Variants in KCNMB2 observed in about 807,000 individuals in gnomAD.
The protein encoded by KCNMB2 is calcium-activated potassium channel subunit beta-2.
A neutral mutation model predicts 24.5 loss-of-function variants in KCNMB2; 9 were observed. The observed-to-expected ratio is 0.37, with a 90% CI of 0.22 to 0.64. KCNMB2 has a LOEUF of 0.64. Among genes scored for constraint, KCNMB2 ranks in the 30% least tolerant of loss-of-function variants. KCNMB2 has a pLI of 0.63. For synonymous variants in KCNMB2, 109 were observed against 104.4 expected (o/e 1.04, Z -0.27); for missense variants, 226 against 284.3 (o/e 0.79, Z 1.47).
intron 1 of KCNMB2, among the ~76,000 whole-genome samples, chr3:178,754,191 C>CACATATAT (rs1418868783): frequency 2.9e-5 from 2 of 68,078 alleles, no homozygotes; most frequent in Non-Finnish European, 5.5e-5. Context: ...CACACACACA[C>CACATATAT]ATACATATAT....
chr3:178,629,534 A>T (rs1719238142), intron 1 of KCNMB2, among the ~76,000 whole-genome samples: 1 of 152,174 alleles, frequency 6.6e-6, no homozygotes, highest in African/African-American at 2.4e-5. Context: ...AGAGAGATTG[A>T]AAACAACATA....
intron 1 of KCNMB2, among the ~76,000 whole-genome samples, chr3:178,614,315 G>GTA (rs1174828736): frequency 0.083 from 8,503 of 102,404 alleles, 549 homozygotes; most frequent in Middle Eastern, 0.22. Context: ...ATATATGTAT[G>GTA]TGTATATATA....
At chr3:178,710,370 T>C (rs1232911016) in intron 1 of KCNMB2, among the ~76,000 whole-genome samples, 3 of 152,102 alleles carry the variant, frequency 2.0e-5, no homozygotes, top group African/African-American at 7.2e-5. Flanking sequence ...GAACTACCCA[T>C]ATTCAAACCG....
intron 1 of KCNMB2, among the ~76,000 whole-genome samples, chr3:178,768,911 T>G (rs1316570545): frequency 6.6e-6 from 1 of 152,106 alleles, no homozygotes; most frequent in Non-Finnish European, 1.5e-5. Context: ...TTCACATGAG[T>G]GAAATCTGAA....
chr3:178,732,709 T>C (rs1044010337), intron 1 of KCNMB2, among the ~76,000 whole-genome samples: 7 of 152,220 alleles, frequency 4.6e-5, no homozygotes, highest in Non-Finnish European at 8.8e-5. Context: ...ATGTATATTA[T>C]ATAAAGTGCA....
At chr3:178,787,012 T>C (rs188560615) in intron 1 of KCNMB2, among the ~76,000 whole-genome samples, 1 of 152,238 alleles carries the variant, frequency 6.6e-6, no homozygotes, top group East Asian at 1.9e-4. Flanking sequence ...CAATCCCACA[T>C]GTTACATATA....
At chr3:178,596,196 C>A (rs73181169) in intron 1 of KCNMB2, among the ~76,000 whole-genome samples, 1 of 152,068 alleles carries the variant, frequency 6.6e-6, no homozygotes, top group African/African-American at 2.4e-5. Flanking sequence ...GTTTCTGAGT[C>A]CTACTCACAC....
chr3:178,719,124 C>T (rs1006009215), intron 1 of KCNMB2, among the ~76,000 whole-genome samples: 4 of 152,214 alleles, frequency 2.6e-5, no homozygotes, highest in Non-Finnish European at 5.9e-5. Flanking sequence ...CAACATTTTA[C>T]AGCTTAGCCC....
At chr3:178,579,780 A>G (rs962099475) in intron 1 of KCNMB2, among the ~76,000 whole-genome samples, 3 of 152,208 alleles carry the variant, frequency 2.0e-5, no homozygotes, top group African/African-American at 7.2e-5. Flanking sequence ...GAACAAATAG[A>G]TAAACTCCTG....
At position 178,757,830 on chromosome 3, in the gene KCNMB2, C is replaced by CAAGAGGATATATATATATAT. The variant is rs1560005938; in HGVS notation, c.-67-49512_-67-49511insAGAGGATATATATATATATA. On this transcript the variant is annotated intron_variant, in intron 1 of 4. Coordinates refer to ENST00000452583, the MANE Select transcript of KCNMB2 (RefSeq NM_181361.3). The stretch of plus-strand genomic sequence containing the variant: ...CCAAGAGGATATATATATACACATC[C>CAAGAGGATATATATATATAT]ATCCAAGAGGATATATATATCCAAG... Among the ~76,000 whole-genome samples the CAAGAGGATATATATATATAT allele has an allele frequency of 2.6e-4, 12 of 46,188 alleles. 2 individuals are homozygous for CAAGAGGATATATATATATAT. The East Asian group carries it at 4.4e-3, about 17-fold the overall frequency. 30.3% of individuals were successfully genotyped at this position (46,188 alleles called of 152,430 possible).
At chr3:178,710,193 A>G (rs1338249473) in intron 1 of KCNMB2, among the ~76,000 whole-genome samples, 2 of 152,126 alleles carry the variant, frequency 1.3e-5, no homozygotes, top group Non-Finnish European at 1.5e-5. Flanking sequence ...TGGCAGGAGG[A>G]ATCCAAGGCA....
At chr3:178,751,993 C>A (rs892421578) in intron 1 of KCNMB2, among the ~76,000 whole-genome samples, 4 of 152,200 alleles carry the variant, frequency 2.6e-5, no homozygotes, top group Non-Finnish European at 4.4e-5. Flanking sequence ...AAAGTTAACA[C>A]CCCAAATACA....
At chr3:178,652,081 T>A (rs1470833226) in intron 1 of KCNMB2, among the ~76,000 whole-genome samples, 1 of 147,684 alleles carries the variant, frequency 6.8e-6, no homozygotes, top group East Asian at 2.0e-4. Context: ...GGGATCTAAA[T>A]AAACTAAAGA....
Position 178,662,685 on chromosome 3 carries a change from A to T in KCNMB2, c.-68+125974A>T, listed in dbSNP as rs1577080567. On this transcript the variant is annotated intron_variant, in intron 1 of 4. Transcript: ENST00000452583. ...GAGGAAGTGTGAGTATGAAATAACA[A>T]ATATGAAAAAATTACACTATTTCAC... Among the ~76,000 whole-genome samples the T allele has an allele frequency of 2.6e-5, 4 of 152,280 alleles. No individual in the cohort carries two copies. In the East Asian group the frequency reaches 5.8e-4, roughly 22 times the overall value.
chr3:178,693,885 T>C (rs1036236983), intron 1 of KCNMB2, among the ~76,000 whole-genome samples: 39 of 78,346 alleles, frequency 5.0e-4, no homozygotes, highest in Non-Finnish European at 7.2e-4. Flanking sequence ...GGGCTTTTTT[T>C]CTTTTTCTTT....
intron 1 of KCNMB2, among the ~76,000 whole-genome samples, chr3:178,766,190 G>GTTTTGT (rs1211342906): frequency 6.6e-6 from 1 of 151,960 alleles, no homozygotes; most frequent in Non-Finnish European, 1.5e-5. Flanking sequence ...CTTATCACAA[G>GTTTTGT]TTTTGTTTTT....
chr3:178,685,083 G>T (rs1721417233), intron 1 of KCNMB2, among the ~76,000 whole-genome samples: 1 of 148,824 alleles, frequency 6.7e-6, no homozygotes, highest in Non-Finnish European at 1.5e-5. Context: ...CTCCTCTGGG[G>T]ACCATGCCTA....
chr3:178,560,815 G>T (rs529264636), intron 1 of KCNMB2, among the ~76,000 whole-genome samples: 6 of 152,314 alleles, frequency 3.9e-5, no homozygotes, highest in Admixed American at 1.3e-4. Flanking sequence ...TTTGTCCCCA[G>T]ATGTGGACAC....
At chr3:178,629,900 A>C (rs750465106) in intron 1 of KCNMB2, among the ~76,000 whole-genome samples, 1 of 152,196 alleles carries the variant, frequency 6.6e-6, no homozygotes, top group African/African-American at 2.4e-5. Context: ...TGCAGTACAA[A>C]CTACAGTAAA....
Sources: allele counts gnomAD v4.1 joint callset (sites outside exome capture counted in the v4.1 genomes callset), GRCh38; gene constraint gnomAD v4.1.1; transcripts MANE v1.5; gene names NCBI Gene and HGNC (gene_info 2026-07-23, HGNC 2026-07-21).